The following COL28A1 variants were observed in gnomAD, a reference collection of about 807,000 sequenced individuals.
COL28A1 encodes collagen alpha-1(XXVIII) chain.
Under a neutral mutation model 150.2 loss-of-function variants are expected in COL28A1, and 161 were observed. The ratio of observed to expected loss-of-function variants is 1.07; its 90% confidence interval spans 0.94 to 1.22. COL28A1 has a LOEUF of 1.22. COL28A1 is among the 50% of genes most tolerant of loss of function. The pLI is 0.00. For missense variants in COL28A1, 1,617 were observed against 1,388.3 expected (o/e 1.16, Z -2.62); for synonymous variants, 552 against 469.7 (o/e 1.18, Z -2.26).
chr7:7,345,531 T>C, the COL28A1 span, among the ~76,000 whole-genome samples: 1 of 152,084 alleles, frequency 6.6e-6, no homozygotes, highest in East Asian at 1.9e-4. Context: ...ATAGTACCTA[T>C]CTACTGGAAA....
At chr7:7,503,068 G>C (rs868248176) in intron 11 of COL28A1, among the ~76,000 whole-genome samples, 22 of 152,142 alleles carry the variant, frequency 1.4e-4, no homozygotes, top group African/African-American at 4.1e-4. Context: ...CCTAGCCAGA[G>C]TCCACCAGAA....
chr7:7,459,832 A>T (rs1787468666), intron 15 of COL28A1, among the ~76,000 whole-genome samples: 1 of 152,242 alleles, frequency 6.6e-6, no homozygotes, highest in Non-Finnish European at 1.5e-5. Flanking sequence ...AAACAAGGCC[A>T]CCCCATGACT....
At chr7:7,541,341 ACAACCTTT>A in the COL28A1 span, among the ~76,000 whole-genome samples, 1 of 152,198 alleles carries the variant, frequency 6.6e-6, no homozygotes, top group Non-Finnish European at 1.5e-5. Flanking sequence ...GGGGATATGA[ACAACCTTT>A]TAATAATACT....
At chr7:7,444,619 A>C in intron 18 of COL28A1, 130 bp from the exon 19 acceptor site, 1 of 840,348 alleles carries the variant, frequency 1.2e-6, no homozygotes, top group Non-Finnish European at 1.8e-6. Context: ...ATACTAAACT[A>C]TTTGATCTTG....
chr7:7,427,183 A>G (rs17167618), intron 25 of COL28A1, among the ~76,000 whole-genome samples: 12,826 of 152,282 alleles, frequency 0.084, 605 homozygotes, highest in Middle Eastern at 0.21. Context: ...GAGATCAGGC[A>G]TATAACTGCA....
intron 18 of COL28A1, among the ~76,000 whole-genome samples, chr7:7,445,954 G>GT (rs1311243324): frequency 6.6e-6 from 1 of 151,948 alleles, no homozygotes; most frequent in East Asian, 1.9e-4. Context: ...CGCCTCCCGG[G>GT]TTCAAGTGAT....
intron 31 of COL28A1, among the ~76,000 whole-genome samples, chr7:7,374,810 A>T (rs1781457482): frequency 6.6e-6 from 1 of 152,176 alleles, no homozygotes; most frequent in Non-Finnish European, 1.5e-5. Flanking sequence ...TGGTTCTGGG[A>T]TTCTCTGTAT....
intron 27 of COL28A1, among the ~76,000 whole-genome samples, chr7:7,402,018 A>C (rs1285839615): frequency 6.6e-6 from 1 of 152,258 alleles, no homozygotes; most frequent in Non-Finnish European, 1.5e-5. Context: ...ACAGAAGGAC[A>C]AATAACAATG....
Position 7,411,871 on chromosome 7 carries a change from C to A in COL28A1, c.2136+5988G>T, listed in dbSNP as rs187123831. 5.2e-3 allele frequency among the ~76,000 whole-genome samples: 787 copies of A among 152,238 alleles called. 3 individuals are homozygous for A. The highest frequency in any genetic ancestry group is 6.3e-3 in the Non-Finnish European group (426 of 68,014). On this transcript the variant is annotated intron_variant, in intron 27 of 34. Coordinates refer to ENST00000399429, the MANE Select transcript of COL28A1 (RefSeq NM_001037763.3). The stretch of plus-strand genomic sequence containing the variant: ...GTCCTTATAAGCCCAGGTGTCTGTG[C>A]CCACAGTATCAGGAGAATGACGGGG...
chr7:7,461,790 G>A (rs116449469), intron 15 of COL28A1, among the ~76,000 whole-genome samples: 66 of 152,252 alleles, frequency 4.3e-4, no homozygotes, highest in African/African-American at 1.6e-3. Context: ...CCCGCCTAAT[G>A]GTCCTTCCCT....
the COL28A1 span, among the ~76,000 whole-genome samples, chr7:7,348,551 C>T: frequency 2.6e-5 from 4 of 152,062 alleles, no homozygotes; most frequent in Non-Finnish European, 5.9e-5. Flanking sequence ...AAATGACACA[C>T]AATAAACTGC....
intron 27 of COL28A1, among the ~76,000 whole-genome samples, chr7:7,407,725 T>C (rs1583306344): frequency 1.3e-5 from 2 of 152,218 alleles, no homozygotes; most frequent in East Asian, 1.9e-4. Context: ...CAATCTGGGA[T>C]GCAAGACGGA....
chr7:7,477,011 ATAAT>A lies in COL28A1; in HGVS notation c.1233+97_1233+100del, dbSNP rs139037382. The A allele has an allele frequency of 7.1e-4, 512 of 723,760 alleles. 2 individuals are homozygous for A. The African/African-American group carries it at 7.7e-3, about 11-fold the overall frequency. 44.8% of individuals were successfully genotyped at this position (723,760 alleles called of 1,614,324 possible). On this transcript the variant is annotated intron_variant, in intron 14 of 34. Coordinates refer to ENST00000399429, the MANE Select transcript of COL28A1 (RefSeq NM_001037763.3). ...AAATGGAATAAAGATGGTCAGAAAA[ATAAT>A]TAACTTCTAAAAATTGGCTAGGACA...
intron 3 of COL28A1, among the ~76,000 whole-genome samples, chr7:7,526,789 C>A (rs1293853177): frequency 6.6e-6 from 1 of 152,084 alleles, no homozygotes; most frequent in Non-Finnish European, 1.5e-5. Flanking sequence ...AGCACGCCAA[C>A]AAGCCAGGGT....
At chr7:7,368,958 C>G (rs1452461089) in intron 33 of COL28A1, among the ~76,000 whole-genome samples, 1 of 152,170 alleles carries the variant, frequency 6.6e-6, no homozygotes, top group African/African-American at 2.4e-5. Flanking sequence ...AAAATGTGAG[C>G]TTCTCTCAGG....
intron 4 of COL28A1, 187 bp from the exon 5 acceptor site, chr7:7,522,148 T>G: frequency 1.5e-6 from 1 of 650,654 alleles, no homozygotes. Context: ...CATTTATGGA[T>G]GTTTTGCTCT....
intron 27 of COL28A1, among the ~76,000 whole-genome samples, chr7:7,406,548 A>G (rs959021297): frequency 1.3e-5 from 2 of 152,182 alleles, no homozygotes; most frequent in African/African-American, 4.8e-5. Flanking sequence ...TAGTGCTATG[A>G]AAACAATAAA....
chr7:7,371,829 A>G (rs1037187058), intron 32 of COL28A1, among the ~76,000 whole-genome samples: 2 of 151,966 alleles, frequency 1.3e-5, no homozygotes, highest in African/African-American at 2.4e-5. Context: ...AATAAATTCT[A>G]TTTATTTTTT....
intron 3 of COL28A1, among the ~76,000 whole-genome samples, chr7:7,527,537 C>T (rs185602041): frequency 6.6e-6 from 1 of 152,214 alleles, no homozygotes; most frequent in East Asian, 1.9e-4. Context: ...GAGCCGGAGG[C>T]CTTGGGAGGT....
Sources: gnomAD v4.1 joint callset for allele counts (sites outside exome capture counted in the v4.1 genomes callset) on GRCh38, gnomAD v4.1.1 for gene constraint, MANE v1.5 for transcripts, NCBI Gene and HGNC (gene_info 2026-07-23, HGNC 2026-07-21) for gene names.